The following ITGA9 variants were observed in gnomAD, a reference collection of about 807,000 sequenced individuals.
The protein encoded by ITGA9 is integrin subunit alpha 9.
Under a neutral mutation model 127.8 loss-of-function variants are expected in ITGA9, and 56 were observed. The ratio of observed to expected loss-of-function variants is 0.44; its 90% CI spans 0.35 to 0.55. The LOEUF (loss-of-function observed/expected upper bound fraction) is 0.55, where lower values mean the gene tolerates loss of function less well. ITGA9 is among the 20% of genes least tolerant of loss of function. The pLI, the probability that ITGA9 is intolerant of heterozygous loss-of-function variation, is 0.00. For missense variants in ITGA9, 1,196 were observed against 1,347.1 expected (o/e 0.89, Z 1.76); for synonymous variants, 508 against 514.5 (o/e 0.99, Z 0.17).
At chr3:37,512,736 G>T (rs1698945531) in intron 8 of ITGA9, among the ~76,000 whole-genome samples, 1 of 152,118 alleles carries the variant, frequency 6.6e-6, no homozygotes, top group African/African-American at 2.4e-5. Flanking sequence ...CATTCCTCTT[G>T]GTGGCAGTTA....
chr3:37,590,469 C>T (rs1199372378), intron 15 of ITGA9, among the ~76,000 whole-genome samples: 1 of 152,146 alleles, frequency 6.6e-6, no homozygotes, highest in Non-Finnish European at 1.5e-5. Flanking sequence ...CATGGCTCTC[C>T]CATGGGGTTT....
chr3:37,756,234 C>T (rs1005683170), intron 23 of ITGA9, among the ~76,000 whole-genome samples: 9 of 150,136 alleles, frequency 6.0e-5, no homozygotes, highest in Admixed American at 2.0e-4. Flanking sequence ...ATAATTAAAG[C>T]CCAAAACCCA....
chr3:37,686,815 A>C (rs1374527128), intron 18 of ITGA9, among the ~76,000 whole-genome samples: 1 of 152,176 alleles, frequency 6.6e-6, no homozygotes, highest in Non-Finnish European at 1.5e-5. Context: ...AAGGGAAAAG[A>C]AACAGAAACT....
chr3:37,636,471 A>G (rs1166472016), intron 16 of ITGA9, among the ~76,000 whole-genome samples: 1 of 151,962 alleles, frequency 6.6e-6, no homozygotes, highest in Non-Finnish European at 1.5e-5. Context: ...CCACTTTTTG[A>G]TGGGGTTGTT....
chr3:37,575,941 A>G (rs1475201359), intron 15 of ITGA9, among the ~76,000 whole-genome samples: 1 of 152,238 alleles, frequency 6.6e-6, no homozygotes, highest in African/African-American at 2.4e-5. Flanking sequence ...GACTTTCTGA[A>G]AATCAGTCTC....
At chr3:37,569,866 CTCTT>C (rs1339833360) in intron 15 of ITGA9, among the ~76,000 whole-genome samples, 2 of 152,198 alleles carry the variant, frequency 1.3e-5, no homozygotes, top group African/African-American at 4.8e-5. Flanking sequence ...CTCAAAGTAT[CTCTT>C]TATTATATGG....
chr3:37,496,921 A>C (rs1698736726), intron 5 of ITGA9, among the ~76,000 whole-genome samples: 1 of 152,194 alleles, frequency 6.6e-6, no homozygotes, highest in African/African-American at 2.4e-5. Flanking sequence ...ATTTTGATAC[A>C]TGTTGGCAAA....
chr3:37,585,907 C>A (rs1482322112), intron 15 of ITGA9, among the ~76,000 whole-genome samples: 1 of 152,180 alleles, frequency 6.6e-6, no homozygotes, highest in Non-Finnish European at 1.5e-5. Flanking sequence ...TGATCCAGAT[C>A]CAGTTGGGCC....
intron 11 of ITGA9, among the ~76,000 whole-genome samples, chr3:37,520,135 A>G (rs1049498872): frequency 1.3e-5 from 2 of 152,194 alleles, no homozygotes; most frequent in African/African-American, 2.4e-5. Flanking sequence ...CAGCAGGTAA[A>G]TGCAAGTACA....
At chr3:37,513,951 G>T in intron 9 of ITGA9, 51 bp downstream of exon 9, 1 of 1,610,496 alleles carries the variant, frequency 6.2e-7, no homozygotes. Flanking sequence ...AGGGACATTT[G>T]TCCAGCCAGC....
chr3:37,812,991 CA>C (rs937451937), intron 27 of ITGA9, among the ~76,000 whole-genome samples: 1 of 152,268 alleles, frequency 6.6e-6, no homozygotes, highest in African/African-American at 2.4e-5. Context: ...CCAAGGCACC[CA>C]TGCGTGCTCA....
At chr3:37,787,381 A>G (rs906207157) in intron 26 of ITGA9, among the ~76,000 whole-genome samples, 1 of 152,150 alleles carries the variant, frequency 6.6e-6, no homozygotes, top group Non-Finnish European at 1.5e-5. Flanking sequence ...GTTGGATTCC[A>G]AGTCATCTGT....
At chr3:37,516,572 C>G (rs1187226184) in intron 9 of ITGA9, among the ~76,000 whole-genome samples, 4 of 152,166 alleles carry the variant, frequency 2.6e-5, no homozygotes, top group African/African-American at 7.2e-5. Context: ...GAAATTAATG[C>G]ATATTTGTGT....
intron 17 of ITGA9, among the ~76,000 whole-genome samples, chr3:37,658,592 A>G (rs1700502233): frequency 2.0e-5 from 3 of 152,140 alleles, no homozygotes; most frequent in South Asian, 4.1e-4. Context: ...TGCACATGAA[A>G]TGGGTCTCCT....
chr3:37,536,990 A>G (rs1327862839), intron 14 of ITGA9, among the ~76,000 whole-genome samples: 1 of 152,220 alleles, frequency 6.6e-6, no homozygotes, highest in Non-Finnish European at 1.5e-5. Flanking sequence ...GCAAATTCTG[A>G]CTAGAAACTC....
At chr3:37,581,471 T>G (rs1342036959) in intron 15 of ITGA9, among the ~76,000 whole-genome samples, 1 of 152,200 alleles carries the variant, frequency 6.6e-6, no homozygotes, top group Non-Finnish European at 1.5e-5. Flanking sequence ...CTGGCTGGAT[T>G]CATGACTATC....
At chr3:37,637,627 T>C (rs2125639383) in intron 16 of ITGA9, among the ~76,000 whole-genome samples, 1 of 152,250 alleles carries the variant, frequency 6.6e-6, no homozygotes, top group East Asian at 1.9e-4. Context: ...ACCCACTGAA[T>C]CAGAAGCTGA....
chr3:37,652,903 A>G (rs1700442958), intron 16 of ITGA9, among the ~76,000 whole-genome samples: 1 of 152,202 alleles, frequency 6.6e-6, no homozygotes, highest in Admixed American at 6.5e-5. Context: ...GGGAAGACTA[A>G]CAAGCCCTCC....
In ITGA9 at chr3:37,597,344, A is replaced by G. The variant is rs1157992424; in HGVS notation, c.1690-31843A>G. Among the ~76,000 whole-genome samples the G allele has an allele frequency of 6.6e-6, 1 of 152,138 alleles. No individual in the cohort carries two copies. Among genetic ancestry groups the G allele is most frequent in the Non-Finnish European group, 1.5e-5 (1 of 68,034 alleles). ...GGGTGTGCAAGAGAGTGCAATCAGT[A>G]TTGCATTTCAGCAGATCAGCCAAGC... On this transcript the variant is annotated intron_variant, in intron 15 of 27. Coordinates refer to ENST00000264741, the MANE Select transcript of ITGA9 (RefSeq NM_002207.3). This position sits in a 1 kb window ranked among gnomAD's most constrained non-coding sequence, Gnocchi z 4.6.
Sources: allele counts gnomAD v4.1 joint callset (sites outside exome capture counted in the v4.1 genomes callset), GRCh38; gene constraint gnomAD v4.1.1; non-coding constraint Gnocchi (gnomAD v3.1); transcripts MANE v1.5; gene names NCBI Gene and HGNC (gene_info 2026-07-23, HGNC 2026-07-21).